MMP11: variants seen among roughly 807,000 people sequenced by gnomAD.
MMP11 encodes matrix metallopeptidase 11.
A neutral mutation model predicts 49.5 loss-of-function variants in MMP11; 26 were observed. That is an observed-to-expected ratio of 0.52 (90% CI 0.38 to 0.73). The LOEUF (loss-of-function observed/expected upper bound fraction) is 0.73, where lower values mean the gene tolerates loss of function less well. MMP11 is among the 30% of genes least tolerant of loss of function. The pLI, the probability that MMP11 is intolerant of heterozygous loss-of-function variation, is 0.00. For synonymous variants in MMP11, 265 were observed against 282.3 expected (o/e 0.94, Z 0.62); for missense variants, 624 against 671.2 (o/e 0.93, Z 0.78).
rs1927597939 is a variant in MMP11, at chr22:23,780,923, A to T, written c.681A>T (p.Thr227=). 1 of 1,613,816 alleles carries T rather than the reference A, an allele frequency of 6.2e-7. No homozygotes were observed. The highest frequency in any genetic ancestry group is 1.7e-5 in the Admixed American group (1 of 60,004). ...ACGTGCTGGGGCTGCAGCACACAACAGCAGCCAAGGCCCTGATGTCCGCCT... is the reference window on the plus strand; with the variant it reads ...ACGTGCTGGGGCTGCAGCACACAACTGCAGCCAAGGCCCTGATGTCCGCCT... The part of the protein sequence containing the change: ...FGHVLGLQHT[T]AAKALMSAFY... The change falls in exon 5 of 8, where the codon ACA becomes ACT. Residue 227 remains threonine, a synonymous_variant. Transcript: ENST00000215743. The surrounding 1 kb of genome is among the most constrained non-coding windows in gnomAD (Gnocchi z 4.6).
chr22:23,780,033 G>A lies in MMP11; in HGVS notation c.339-326G>A. On this transcript the variant is annotated intron_variant, in intron 2 of 7. Coordinates refer to ENST00000215743, the MANE Select transcript of MMP11 (RefSeq NM_005940.5). This position sits in a 1 kb window ranked among gnomAD's most constrained non-coding sequence, Gnocchi z 4.6. ...GGGTCTTTAGAATTTCCTAGGTGGGGGCCTGGGAACCAACAGGGGCTCAAG... is the reference window on the plus strand; with the variant it reads ...GGGTCTTTAGAATTTCCTAGGTGGGAGCCTGGGAACCAACAGGGGCTCAAG... 5.2e-6 allele frequency: 2 copies of A among 384,526 alleles called. No homozygotes were observed. The highest frequency in any genetic ancestry group is 9.6e-6 in the Non-Finnish European group (2 of 207,500). 23.8% of individuals were successfully genotyped at this position (384,526 alleles called of 1,614,324 possible). A position where few individuals can be genotyped will look rare whatever the true frequency, so the allele number is the denominator to read the frequency against.
chr22:23,783,497 G>C lies in MMP11; in HGVS notation c.1420G>C (p.Gly474Arg). 6.2e-7 allele frequency: 1 copy of C among 1,614,216 alleles called. No individual in the cohort carries two copies. The highest frequency in any genetic ancestry group is 1.3e-5 in the African/African-American group (1 of 75,062). ...TCTGGAAGGCTTCCCCCGTCTCGTG[G>C]GTCCTGACTTCTTTGGCTGTGCCGA... ...KALEGFPRLV[G>R]PDFFGCAEPA... Residue 474 changes from glycine to arginine, a missense_variant, in exon 8 of 8, where the codon GGT becomes CGT. By Grantham distance (125) the Gly-to-Arg change is moderately radical. Transcript: ENST00000215743.
rs866850739 is a variant in MMP11, at chr22:23,776,802, C to G, written c.109-2385C>G. On this transcript the variant is annotated intron_variant, in intron 1 of 7. Coordinates refer to ENST00000215743, the MANE Select transcript of MMP11 (RefSeq NM_005940.5). ...CCAAGGTCCTAGCCTGCAACCAGTG[C>G]TAAGTACTTTTTTTTTTTTTTTTGA... 4.7e-5 allele frequency among the ~76,000 whole-genome samples: 7 copies of G among 148,522 alleles called. 1 individual carries two copies. Among genetic ancestry groups the G allele is most frequent in the African/African-American group, 1.7e-4 (7 of 40,012 alleles).
intron 1 of MMP11, among the ~76,000 whole-genome samples, chr22:23,775,975 G>A (rs1271287831): frequency 2.0e-5 from 3 of 152,236 alleles, no homozygotes; most frequent in Middle Eastern, 3.2e-3. Context: ...GGAAAGTTGA[G>A]GCTAAGAGAG....
chr22:23,782,010 G>A (rs938845168), intron 6 of MMP11: 8 of 701,160 alleles, frequency 1.1e-5, no homozygotes, highest in East Asian at 2.6e-5. Flanking sequence ...AACCTCACCC[G>A]TGCACTAGTT....
chr22:23,773,319 T>C (rs1927301398), intron 1 of MMP11, among the ~76,000 whole-genome samples: 1 of 152,140 alleles, frequency 6.6e-6, no homozygotes. Flanking sequence ...CAGGGCCCCC[T>C]ATTCATCGCA....
rs377266580 is a variant in MMP11, at chr22:23,783,801, G to A, written c.*257G>A. ...TAAGAGGAAGGGCAGTCTTGGGCCCGCTATGCAGGTCCTGGCAAACCTGGC... is the reference window on the plus strand; with the variant it reads ...TAAGAGGAAGGGCAGTCTTGGGCCCACTATGCAGGTCCTGGCAAACCTGGC... On this transcript the variant is annotated 3_prime_UTR_variant, in exon 8 of 8. Transcript: ENST00000215743. 5.5e-6 allele frequency: 3 copies of A among 542,578 alleles called. No homozygotes were observed. The highest frequency in any genetic ancestry group is 2.1e-5 in the South Asian group (1 of 47,296). 33.6% of individuals were successfully genotyped at this position (542,578 alleles called of 1,614,324 possible).
intron 1 of MMP11, among the ~76,000 whole-genome samples, chr22:23,778,363 C>T (rs1927490549): frequency 6.6e-6 from 1 of 152,246 alleles, no homozygotes; most frequent in South Asian, 2.1e-4. Context: ...GTCTGAATCG[C>T]CATCTGTGGT....
rs530500782 is a variant in MMP11, at chr22:23,780,962, C to G, written c.720C>G (p.Arg240=). The change falls in exon 5 of 8, where the codon CGC becomes CGG. Residue 240 remains arginine, a synonymous_variant. Transcript: ENST00000215743. This position sits in a 1 kb window ranked among gnomAD's most constrained non-coding sequence, Gnocchi z 4.6. ...TGATGTCCGCCTTCTACACCTTTCG[C>G]TACCCACTGAGTCTCAGCCCAGATG... ...KALMSAFYTF[R]YPLSLSPDDC... is the part of the protein sequence containing the mutation. 3.3e-5 allele frequency: 54 copies of G among 1,613,868 alleles called. No individual in the cohort carries two copies. The South Asian group carries it at 5.7e-4, about 17-fold the overall frequency.
Position 23,779,233 on chromosome 22 carries a change from A to G in MMP11, c.155A>G (p.His52Arg). 6.2e-7 allele frequency: 1 copy of G among 1,608,712 alleles called. No homozygotes were observed. Among genetic ancestry groups the G allele is most frequent in the South Asian group, 1.1e-5 (1 of 90,240 alleles). The change falls in exon 2 of 8, where the codon CAT (histidine) becomes CGT (arginine). Residue 52 changes from histidine to arginine, a missense_variant. Coordinates refer to ENST00000215743, the MANE Select transcript of MMP11 (RefSeq NM_005940.5). ...GAGAGGAGGGGGCCACAGCCCTGGCATGCAGCCCTGCCCAGTAGCCCGGCA... is the reference window on the plus strand; with the variant it reads ...GAGAGGAGGGGGCCACAGCCCTGGCGTGCAGCCCTGCCCAGTAGCCCGGCA... The part of the protein sequence containing the change: ...HAERRGPQPW[H>R]AALPSSPAPA...
At chr22:23,774,459 G>C (rs1012908024) in intron 1 of MMP11, among the ~76,000 whole-genome samples, 35 of 152,156 alleles carry the variant, frequency 2.3e-4, no homozygotes, top group African/African-American at 8.2e-4. Context: ...GGAGAGCTCT[G>C]TAAATATTTA....
Position 23,780,096 on chromosome 22 carries a change from T to C in MMP11, c.339-263T>C. 3.7e-6 allele frequency: 2 copies of C among 538,996 alleles called. No homozygotes were observed. The highest frequency in any genetic ancestry group is 2.3e-5 in the South Asian group (1 of 44,080). The allele number at this position is 538,996 out of a possible 1,614,324, so 33.4% of individuals were successfully genotyped here. On this transcript the variant is annotated intron_variant, in intron 2 of 7. Transcript: ENST00000215743. This position sits in a 1 kb window ranked among gnomAD's most constrained non-coding sequence, Gnocchi z 4.6. The stretch of plus-strand genomic sequence containing the variant: ...CCCCACAGTAAGTGGCACTGTCAGG[T>C]CTAGGATGGGGGTCTCGGGACCCCT...
intron 6 of MMP11, chr22:23,781,883 C>T (rs1487694737): frequency 1.6e-5 from 10 of 630,504 alleles, no homozygotes; most frequent in African/African-American, 7.2e-5. Context: ...GGGAAACCTG[C>T]GTGGGTTCCA....
In MMP11 at chr22:23,779,373, G is replaced by A. The variant is rs761007185; in HGVS notation, c.295G>A (p.Val99Met). Residue 99 changes from valine (V) to methionine (M), a missense_variant, in exon 2 of 8, where the codon GTG becomes ATG. By Grantham distance (21) the Val-to-Met change is conservative (BLOSUM62 1). Coordinates refer to ENST00000215743, the MANE Select transcript of MMP11 (RefSeq NM_005940.5). Reference sequence around the variant, plus strand: ...TGCCCGCAACCGACAGAAGAGGTTCGTGCTTTCTGGCGGGCGCTGGGAGAA... The same window carrying A: ...TGCCCGCAACCGACAGAAGAGGTTCATGCTTTCTGGCGGGCGCTGGGAGAA... The part of the protein sequence containing the change: ...LSARNRQKRF[V>M]LSGGRWEKTD... 36 of 1,612,970 alleles carry A rather than the reference G, an allele frequency of 2.2e-5. No homozygotes were observed. The highest frequency in any genetic ancestry group is 2.8e-5 in the Non-Finnish European group (33 of 1,179,906).
rs1269375384 is a variant in MMP11, at chr22:23,780,113, G to A, written c.339-246G>A. 6 of 565,794 alleles carry A rather than the reference G, an allele frequency of 1.1e-5. No homozygotes were observed. Among genetic ancestry groups the A allele is most frequent in the African/African-American group, 1.9e-5 (1 of 53,366 alleles). 35.0% of individuals were successfully genotyped at this position (565,794 alleles called of 1,614,324 possible). A position where few individuals can be genotyped will look rare whatever the true frequency, so the allele number is the denominator to read the frequency against. ...CTGTCAGGTCTAGGATGGGGGTCTC[G>A]GGACCCCTGGTCCTGGTTCTTTCCA... On this transcript the variant is annotated intron_variant, in intron 2 of 7. Coordinates refer to ENST00000215743, the MANE Select transcript of MMP11 (RefSeq NM_005940.5). The surrounding 1 kb of genome is among the most constrained non-coding windows in gnomAD (Gnocchi z 4.6).
At chr22:23,773,628 C>A (rs146181702) in intron 1 of MMP11, among the ~76,000 whole-genome samples, 1 of 152,208 alleles carries the variant, frequency 6.6e-6, no homozygotes, top group East Asian at 1.9e-4. Context: ...AAAATGTGTG[C>A]TCAGGAGAGG....
chr22:23,782,155 A>G, intron 6 of MMP11, 71 bp from the exon 7 acceptor site: 1 of 1,566,922 alleles, frequency 6.4e-7, no homozygotes, highest in Non-Finnish European at 8.7e-7. Context: ...GGTAGGGGTC[A>G]AGCAGGTCCA....
intron 6 of MMP11, 145 bp from the exon 7 acceptor site, chr22:23,782,081 G>A: frequency 8.2e-7 from 1 of 1,225,664 alleles, no homozygotes. Context: ...CGGGTGGGGT[G>A]CTGAGCAGGC....
rs370936931 is a variant in MMP11, at chr22:23,780,528, C to T, written c.482+26C>T. ...GTGAATGGGCGGCCTGGGACCCCTC[C>T]GGGAACAGCCTCGCCTGCCAGCAGC... On this transcript the variant is annotated intron_variant, in intron 3 of 7. Transcript: ENST00000215743. This position sits in a 1 kb window ranked among gnomAD's most constrained non-coding sequence, Gnocchi z 4.6. 6 of 1,612,998 alleles carry T rather than the reference C, an allele frequency of 3.7e-6. No individual in the cohort carries two copies. Among genetic ancestry groups the T allele is most frequent in the Admixed American group, 1.7e-5 (1 of 60,022 alleles).
Sources: allele counts gnomAD v4.1 joint callset (sites outside exome capture counted in the v4.1 genomes callset), GRCh38; gene constraint gnomAD v4.1.1; non-coding constraint Gnocchi (gnomAD v3.1); transcripts MANE v1.5; gene names NCBI Gene and HGNC (gene_info 2026-07-23, HGNC 2026-07-21).